MYO16: variants seen among roughly 807,000 people sequenced by gnomAD.
MYO16 encodes myosin XVI.
Under a neutral mutation model 205.3 loss-of-function variants are expected in MYO16, and 94 were observed. That is an observed-to-expected ratio of 0.46 (90% confidence interval 0.39 to 0.54). MYO16 has a LOEUF of 0.54. Among genes scored for constraint, MYO16 ranks in the 20% least tolerant of loss-of-function variants. MYO16 has a pLI of 0.00. For synonymous variants in MYO16, 988 were observed against 954.0 expected (o/e 1.04, Z -0.66); for missense variants, 2,315 against 2,387.5 (o/e 0.97, Z 0.63).
At chr13:108,596,028 A>T (rs1453218354), upstream of MYO16, 1 of 137,592 alleles carries the variant, frequency 7.3e-6, no homozygotes, top group Non-Finnish European at 1.5e-5. Context: ...GCCTGAGCTG[A>T]TGTGTTTTCT....
chr13:108,823,951 A>G (rs1383842430), intron 9 of MYO16, among the ~76,000 whole-genome samples: 6 of 152,130 alleles, frequency 3.9e-5, no homozygotes, highest in Admixed American at 3.9e-4. Flanking sequence ...ATTTTCAAAT[A>G]TCTGAAATAT....
intron 15 of MYO16, among the ~76,000 whole-genome samples, chr13:108,903,385 A>C (rs1181956733): frequency 4.8e-4 from 1 of 2,098 alleles, no homozygotes; most frequent in Non-Finnish European, 0.012. Context: ...TACTATCCTC[A>C]GTTTTCAGGG....
chr13:108,948,964 G>A (rs981474013), intron 16 of MYO16, among the ~76,000 whole-genome samples: 6 of 152,198 alleles, frequency 3.9e-5, no homozygotes, highest in Admixed American at 2.0e-4. Flanking sequence ...GCATCAGCCT[G>A]CTCTTTGTTG....
chr13:109,028,459 A>C, intron 23 of MYO16: 1 of 244,314 alleles, frequency 4.1e-6, no homozygotes, highest in Non-Finnish European at 8.3e-6. Context: ...GGAATTTTGT[A>C]AAAAAAATAT....
rs555424077 is a variant in MYO16 at position 109,162,074 on chromosome 13, G to C, written c.5165-2827G>C. Among the ~76,000 whole-genome samples the C allele has an allele frequency of 1.3e-5, 2 of 152,336 alleles. No homozygotes were observed. The highest frequency in any genetic ancestry group is 2.9e-5 in the Non-Finnish European group (2 of 68,028). ...CTCCAGCCTGGGCAACAGAGTGAGA[G>C]ACTCTGCCTCAAAAAACAAAACAAA... On this transcript the variant is annotated intron_variant, in intron 32 of 34. Transcript: ENST00000457511. This position sits in a 1 kb window ranked among gnomAD's most constrained non-coding sequence, Gnocchi z 4.6.
intron 12 of MYO16, among the ~76,000 whole-genome samples, chr13:108,881,007 C>T: frequency 6.6e-6 from 1 of 152,178 alleles, no homozygotes; most frequent in Non-Finnish European, 1.5e-5. Context: ...GGGTCCCTGA[C>T]CCCTGAGTAG....
intron 28 of MYO16, among the ~76,000 whole-genome samples, chr13:109,108,613 G>A (rs1362017697): frequency 6.6e-6 from 1 of 152,224 alleles, no homozygotes; most frequent in East Asian, 1.9e-4. Context: ...ATGGCTCACA[G>A]TCTGCTGGGG....
intron 16 of MYO16, among the ~76,000 whole-genome samples, chr13:108,946,504 T>C (rs1388017285): frequency 2.0e-5 from 3 of 152,218 alleles, no homozygotes; most frequent in Non-Finnish European, 4.4e-5. Flanking sequence ...TCCAGGTATG[T>C]GTAAACCTTC....
chr13:108,881,198 C>T (rs1485879281), intron 12 of MYO16, among the ~76,000 whole-genome samples: 2 of 152,142 alleles, frequency 1.3e-5, no homozygotes, highest in Admixed American at 1.3e-4. Flanking sequence ...GGACCTCCAG[C>T]AAATTTCAAC....
At chr13:108,664,184 A>G (rs1349627266) in intron 1 of MYO16, among the ~76,000 whole-genome samples, 1 of 152,242 alleles carries the variant, frequency 6.6e-6, no homozygotes, top group African/African-American at 2.4e-5. Context: ...GAGTCTTATG[A>G]AAACATATGA....
At position 108,665,874 on chromosome 13, in the gene MYO16, C is replaced by T. The variant is rs145666826; in HGVS notation, c.29-12C>T. On this transcript the variant is annotated splice_polypyrimidine_tract_variant and intron_variant, in intron 1 of 34. Transcript: ENST00000457511. ...AATAGGTCTGGTGACGCTCCCCTTG[C>T]ATTTCTTCCAGGTTGCTTTCAGCTA... The T allele has an allele frequency of 3.8e-3, 6,136 of 1,610,934 alleles. 43 individuals carry two copies. Among genetic ancestry groups the T allele is most frequent in the Middle Eastern group, 0.038 (227 of 6,046 alleles).
At chr13:108,699,593 G>T (rs919359982) in intron 2 of MYO16, among the ~76,000 whole-genome samples, 3 of 152,112 alleles carry the variant, frequency 2.0e-5, no homozygotes, top group African/African-American at 7.2e-5. Flanking sequence ...TCAAGTTTAT[G>T]ATGTTATAAT....
intron 20 of MYO16, among the ~76,000 whole-genome samples, chr13:108,983,761 T>C (rs545509636): frequency 6.6e-6 from 1 of 152,174 alleles, no homozygotes; most frequent in Admixed American, 6.5e-5. Flanking sequence ...TTGTTAAGAC[T>C]GAAGGGCATG....
chr13:108,967,090 A>G (rs1288251770), intron 20 of MYO16, among the ~76,000 whole-genome samples: 1 of 152,086 alleles, frequency 6.6e-6, no homozygotes, highest in Non-Finnish European at 1.5e-5. Flanking sequence ...GCGATAGAAT[A>G]GACATACTTT....
At chr13:108,731,703 TCTA>T (rs1884527669) in intron 4 of MYO16, among the ~76,000 whole-genome samples, 1 of 152,212 alleles carries the variant, frequency 6.6e-6, no homozygotes, top group Non-Finnish European at 1.5e-5. Flanking sequence ...TTCAATGACT[TCTA>T]CTAACCAATC....
At chr13:108,605,340 A>T (rs189173606) in intron 1 of MYO16, among the ~76,000 whole-genome samples, 1 of 152,224 alleles carries the variant, frequency 6.6e-6, no homozygotes, top group East Asian at 1.9e-4. Context: ...TGTGAAAAAA[A>T]ATCCCTTCCA....
intron 4 of MYO16, among the ~76,000 whole-genome samples, chr13:108,780,494 G>A (rs1886266993): frequency 6.6e-6 from 1 of 152,072 alleles, no homozygotes; most frequent in Non-Finnish European, 1.5e-5. Flanking sequence ...GGGAGAGAAG[G>A]AAAGAAGGAG....
chr13:109,136,511 T>C (rs146271019), intron 31 of MYO16, among the ~76,000 whole-genome samples: 2 of 152,352 alleles, frequency 1.3e-5, no homozygotes, highest in Non-Finnish European at 2.9e-5. Context: ...CTTTCTTTAC[T>C]TTATCTCTGT....
chr13:108,606,176 G>A (rs1243048083), intron 1 of MYO16, among the ~76,000 whole-genome samples: 2 of 152,192 alleles, frequency 1.3e-5, no homozygotes, highest in Admixed American at 6.5e-5. Context: ...GCCTAATGTT[G>A]TGATAGAAAA....
Sources: gnomAD v4.1 joint callset for allele counts (sites outside exome capture counted in the v4.1 genomes callset) on GRCh38, gnomAD v4.1.1 for gene constraint, Gnocchi (gnomAD v3.1) non-coding constraint, MANE v1.5 for transcripts, NCBI Gene and HGNC (gene_info 2026-07-23, HGNC 2026-07-21) for gene names.